AEBP2: variants seen among roughly 807,000 people sequenced by gnomAD.
The protein encoded by AEBP2 is zinc finger protein AEBP2.
Under a neutral mutation model 50.8 loss-of-function variants are expected in AEBP2, and 10 were observed. That is an observed-to-expected ratio of 0.20 (90% CI 0.12 to 0.33). The LOEUF (loss-of-function observed/expected upper bound fraction) is 0.33, where lower values mean the gene tolerates loss of function less well. Ranked by LOEUF, AEBP2 falls within the 10% of genes least tolerant of loss-of-function variation. AEBP2 has a pLI of 1.00. For synonymous variants in AEBP2, 296 were observed against 261.3 expected (o/e 1.13, Z -1.28); for missense variants, 570 against 688.0 (o/e 0.83, Z 1.92).
chr12:19,451,602 G>C (rs1172555800), intron 1 of AEBP2, among the ~76,000 whole-genome samples: 2 of 152,146 alleles, frequency 1.3e-5, no homozygotes, highest in African/African-American at 4.8e-5. Flanking sequence ...TTAAATTCAA[G>C]GGGAGGTAAT....
At chr12:19,450,565 C>T (rs1948149521) in intron 1 of AEBP2, among the ~76,000 whole-genome samples, 1 of 141,280 alleles carries the variant, frequency 7.1e-6, no homozygotes, top group Non-Finnish European at 1.5e-5. Flanking sequence ...CACGGTGACT[C>T]ATGCCTGTAA....
intron 2 of AEBP2, among the ~76,000 whole-genome samples, chr12:19,469,158 T>G (rs563613565): frequency 1.3e-5 from 2 of 152,326 alleles, no homozygotes; most frequent in African/African-American, 4.8e-5. Flanking sequence ...ACTCCTGACC[T>G]CAAGTGATCC....
At chr12:19,504,691 G>T (rs1949130302) in intron 5 of AEBP2, among the ~76,000 whole-genome samples, 1 of 152,082 alleles carries the variant, frequency 6.6e-6, no homozygotes, top group African/African-American at 2.4e-5. Flanking sequence ...AGGAGAGCCT[G>T]GTTAGGAGCT....
intron 7 of AEBP2, among the ~76,000 whole-genome samples, chr12:19,517,287 G>A (rs1025240599): frequency 2.6e-5 from 4 of 152,126 alleles, no homozygotes; most frequent in Admixed American, 6.5e-5. Flanking sequence ...CAAAATGAAA[G>A]TATGGCAAAC....
chr12:19,496,556 G>A (rs945994223), intron 4 of AEBP2, among the ~76,000 whole-genome samples: 2 of 151,842 alleles, frequency 1.3e-5, no homozygotes, highest in African/African-American at 4.8e-5. Flanking sequence ...TCTTCCTCAT[G>A]TAATTCAAGA....
intron 1 of AEBP2, chr12:19,440,750 C>T: frequency 6.5e-7 from 1 of 1,533,522 alleles, no homozygotes; most frequent in African/African-American, 1.4e-5. Flanking sequence ...CAACCGTGTT[C>T]GGGAACACTT....
chr12:19,433,916 G>T (rs911686313), intron 1 of AEBP2, among the ~76,000 whole-genome samples: 25 of 151,890 alleles, frequency 1.6e-4, no homozygotes, highest in Middle Eastern at 3.4e-3. Context: ...GCGCGATCTC[G>T]GCTCACTGCA....
At chr12:19,504,855 G>A (rs1177958768) in intron 5 of AEBP2, among the ~76,000 whole-genome samples, 1 of 152,148 alleles carries the variant, frequency 6.6e-6, no homozygotes, top group Non-Finnish European at 1.5e-5. Context: ...ATATTTAAAG[G>A]TAGAATTGTA....
At chr12:19,504,274 G>T (rs1002450425) in intron 5 of AEBP2, among the ~76,000 whole-genome samples, 4 of 149,504 alleles carry the variant, frequency 2.7e-5, no homozygotes, top group Non-Finnish European at 5.9e-5. Flanking sequence ...TTGCTCTGTC[G>T]CCCAGGCTGG....
upstream of AEBP2, among the ~76,000 whole-genome samples, chr12:19,438,469 A>G (rs1423848622): frequency 2.6e-5 from 4 of 152,308 alleles, no homozygotes; most frequent in African/African-American, 7.2e-5. Flanking sequence ...CTATTTCTCA[A>G]AAAAATCCAT....
chr12:19,504,347 G>A (rs1222756066), intron 5 of AEBP2, among the ~76,000 whole-genome samples: 1 of 150,720 alleles, frequency 6.6e-6, no homozygotes, highest in Non-Finnish European at 1.5e-5. Context: ...CCATTCTCCT[G>A]CCTCAGCCTC....
chr12:19,442,688 T>G (rs1340378216), intron 1 of AEBP2, among the ~76,000 whole-genome samples: 1 of 152,234 alleles, frequency 6.6e-6, no homozygotes, highest in Admixed American at 6.5e-5. Flanking sequence ...AGAATACTGT[T>G]TTTAATGTCA....
intron 5 of AEBP2, among the ~76,000 whole-genome samples, chr12:19,506,359 C>T (rs1285256128): frequency 6.6e-6 from 1 of 151,910 alleles, no homozygotes; most frequent in South Asian, 2.1e-4. Context: ...CTTGGCCTCC[C>T]AAAGTGCTGG....
intron 2 of AEBP2, among the ~76,000 whole-genome samples, chr12:19,468,646 G>C (rs1948523930): frequency 6.6e-6 from 1 of 152,124 alleles, no homozygotes; most frequent in Admixed American, 6.6e-5. Flanking sequence ...AATACATTCA[G>C]ATACATACAC....
intron 3 of AEBP2, among the ~76,000 whole-genome samples, chr12:19,488,290 ATTTT>A (rs34804680): frequency 1.7e-5 from 2 of 118,412 alleles, no homozygotes. Flanking sequence ...TAATTTTTGT[ATTTT>A]TTTTTTTTTT....
intron 1 of AEBP2, chr12:19,457,716 A>T: frequency 2.0e-6 from 2 of 977,826 alleles, no homozygotes; most frequent in South Asian, 5.9e-5. Context: ...AAAAGAAAAA[A>T]AAGCTAGTCA....
At chr12:19,463,117 C>T (rs1032201629) in intron 2 of AEBP2, among the ~76,000 whole-genome samples, 62 of 152,132 alleles carry the variant, frequency 4.1e-4, no homozygotes, top group Middle Eastern at 3.4e-3. Flanking sequence ...CTATTGGTAC[C>T]AGGATTAGTG....
chr12:19,471,420 C>CTT (rs1272274053), intron 2 of AEBP2, among the ~76,000 whole-genome samples: 3 of 151,738 alleles, frequency 2.0e-5, no homozygotes, highest in Non-Finnish European at 4.4e-5. Context: ...CCTGGTGAGT[C>CTT]TAGTAGTCTT....
chr12:19,407,627 C>T (rs987655851), intron 1 of AEBP2, among the ~76,000 whole-genome samples: 8 of 151,918 alleles, frequency 5.3e-5, no homozygotes, highest in Non-Finnish European at 8.8e-5. Flanking sequence ...TTTTTAGAGA[C>T]AGGGTCTTAC....
Sources: gnomAD v4.1 joint callset for allele counts (sites outside exome capture counted in the v4.1 genomes callset) on GRCh38, gnomAD v4.1.1 for gene constraint, MANE v1.5 for transcripts, NCBI Gene and HGNC (gene_info 2026-07-23, HGNC 2026-07-21) for gene names.